WARS2: variants seen among roughly 807,000 people sequenced by gnomAD.
WARS2 encodes the protein tryptophanyl tRNA synthetase 2, mitochondrial.
In WARS2, 28 loss-of-function variants were observed where a neutral mutation model predicts 36.5. That is an observed-to-expected ratio of 0.77 (90% confidence interval 0.57 to 1.05). The LOEUF (loss-of-function observed/expected upper bound fraction) is 1.05. WARS2 is among the 50% of genes least tolerant of loss of function. WARS2 has a pLI of 0.00. For synonymous variants in WARS2, 174 were observed against 178.4 expected, an observed-to-expected ratio of 0.98 and a Z score of 0.20; for missense variants, 435 against 456.8, an observed-to-expected ratio of 0.95 and a Z score of 0.44.
chr1:119,057,348 A>T (rs1341985952), intron 2 of WARS2, among the ~76,000 whole-genome samples: 1 of 150,992 alleles, frequency 6.6e-6, no homozygotes, highest in Non-Finnish European at 1.5e-5. Flanking sequence ...GTTTCACCAC[A>T]TTGGCCAGGC....
chr1:119,126,643 G>C (rs7556558), intron 1 of WARS2: 380,322 of 706,508 alleles, frequency 0.54, 107,887 homozygotes, highest in East Asian at 0.84. Context: ...TCACCACGAA[G>C]CTCCATAAGT....
intron 3 of WARS2, among the ~76,000 whole-genome samples, chr1:119,045,241 A>T (rs1258265534): frequency 6.6e-6 from 1 of 152,174 alleles, no homozygotes; most frequent in Non-Finnish European, 1.5e-5. Flanking sequence ...AGTTAATTCC[A>T]GTGGAAATGG....
chr1:119,099,635 T>C (rs1034922206), intron 1 of WARS2, among the ~76,000 whole-genome samples: 4 of 152,200 alleles, frequency 2.6e-5, no homozygotes, highest in African/African-American at 9.7e-5. Flanking sequence ...ATGTGTGTTT[T>C]AGCATCAGAA....
intron 1 of WARS2, 85 bp downstream of exon 1, chr1:119,140,470 G>A: frequency 7.9e-7 from 1 of 1,273,088 alleles, no homozygotes; most frequent in Non-Finnish European, 1.1e-6. Flanking sequence ...TAAGAAGCGG[G>A]AGGAGAGAAA....
intron 1 of WARS2, chr1:119,082,191 G>A (rs587772765): frequency 1.1e-6 from 1 of 879,446 alleles, no homozygotes; most frequent in East Asian, 1.2e-4. Flanking sequence ...GGGCATAAAT[G>A]ATAAGCACTT....
At chr1:119,131,358 G>A (rs587640866) in intron 1 of WARS2, among the ~76,000 whole-genome samples, 2 of 152,186 alleles carry the variant, frequency 1.3e-5, no homozygotes, top group South Asian at 2.1e-4. Context: ...GAGTAGCTCC[G>A]AGGAAACTTG....
intron 2 of WARS2, among the ~76,000 whole-genome samples, chr1:119,072,869 C>T (rs1465113397): frequency 2.0e-5 from 3 of 152,050 alleles, no homozygotes; most frequent in Non-Finnish European, 4.4e-5. Flanking sequence ...AAGAAAATAA[C>T]ATCAACCAGG....
At chr1:119,134,105 A>G (rs1656296116) in intron 1 of WARS2, among the ~76,000 whole-genome samples, 1 of 152,000 alleles carries the variant, frequency 6.6e-6, no homozygotes, top group South Asian at 2.1e-4. Flanking sequence ...AGAAAATGGG[A>G]TAATAAGCAA....
chr1:119,099,458 C>T (rs1288598483), intron 1 of WARS2, among the ~76,000 whole-genome samples: 5 of 152,210 alleles, frequency 3.3e-5, no homozygotes, highest in Non-Finnish European at 7.3e-5. Context: ...AGTTCCTTTT[C>T]TGCTCACCTG....
At chr1:119,079,032 T>G (rs977896529) in intron 1 of WARS2, among the ~76,000 whole-genome samples, 4 of 152,136 alleles carry the variant, frequency 2.6e-5, no homozygotes, top group African/African-American at 9.7e-5. Flanking sequence ...CATTTAGGTC[T>G]GTATCCATCT....
chr1:119,119,001 A>G (rs191947325), intron 1 of WARS2, among the ~76,000 whole-genome samples: 72 of 152,248 alleles, frequency 4.7e-4, no homozygotes, highest in Non-Finnish European at 7.9e-4. Flanking sequence ...GCCTATAAAA[A>G]AGTAACACAA....
intron 1 of WARS2, among the ~76,000 whole-genome samples, chr1:119,101,699 T>G (rs1653876780): frequency 6.6e-6 from 1 of 152,090 alleles, no homozygotes; most frequent in Admixed American, 6.6e-5. Flanking sequence ...TGCTAGTCAT[T>G]TCTTCAGTTT....
chr1:119,035,774 A>C (rs1333420138), intron 4 of WARS2, among the ~76,000 whole-genome samples: 1 of 152,200 alleles, frequency 6.6e-6, no homozygotes, highest in Admixed American at 6.5e-5. Context: ...AGGTAATCCC[A>C]AAATATAAAT....
chr1:119,032,783 A>C lies in WARS2; in HGVS notation c.*128T>G. 1.2e-6 allele frequency: 1 copy of C among 859,424 alleles called. No homozygotes were observed. Among genetic ancestry groups the C allele is most frequent in the Middle Eastern group, 2.6e-4 (1 of 3,838 alleles). The allele number at this position is 859,424 out of a possible 1,614,324, so 53.2% of individuals were successfully genotyped here. On this transcript the variant is annotated 3_prime_UTR_variant, in exon 6 of 6. Coordinates refer to ENST00000235521, the MANE Select transcript of WARS2 (RefSeq NM_015836.4). ...GCTACAAAGCAATATTCATCAAATA[A>C]AGCCAATAATCAGCTATACCAAATT...
At chr1:119,049,029 G>A (rs1045114738) in intron 2 of WARS2, among the ~76,000 whole-genome samples, 4 of 152,132 alleles carry the variant, frequency 2.6e-5, no homozygotes, top group African/African-American at 9.7e-5. Context: ...CGGAGACCAA[G>A]CCATTGCACT....
rs1454265618 is a variant in WARS2, at chr1:119,042,273, A to C, written c.506T>G (p.Leu169Arg). 1 of 1,613,816 alleles carries C rather than the reference A, an allele frequency of 6.2e-7. No homozygotes were observed. Among genetic ancestry groups the C allele is most frequent in the Non-Finnish European group, 8.5e-7 (1 of 1,179,934 alleles). ...TGAACTCTCTTCTTACTTGTACAAC[A>C]GAATGTCGGCTGCCTGGAGTACTGG... ...TYPVLQAADI[L>R]LYKSTHVPVG... is the part of the protein sequence containing the mutation. The change falls in exon 4 of 6, where the codon CTG becomes CGG. Residue 169 changes from leucine (L) to arginine (R), a missense_variant. Leu to Arg is a moderately radical substitution (Grantham distance 102). Transcript: ENST00000235521.
chr1:119,086,390 C>G (rs908694298), intron 1 of WARS2, among the ~76,000 whole-genome samples: 1 of 152,200 alleles, frequency 6.6e-6, no homozygotes, highest in African/African-American at 2.4e-5. Context: ...CAGACTGTTA[C>G]TAAACATGCG....
intron 4 of WARS2, 129 bp from the exon 5 acceptor site, chr1:119,034,342 A>G: frequency 1.3e-6 from 1 of 758,822 alleles, no homozygotes; most frequent in Non-Finnish European, 2.2e-6. Context: ...CCAACTATAG[A>G]GGGAATGTTT....
rs745543661 is a variant in WARS2, at chr1:119,034,203, C to A, written c.526G>T (p.Val176Phe). Residue 176 changes from valine (V) to phenylalanine (F), a missense_variant, in exon 5 of 6, where the codon GTT becomes TTT. By Grantham distance (50) the Val-to-Phe change is conservative (BLOSUM62 -1). Transcript: ENST00000235521. ...ADILLYKSTH[V>F]PVGEDQVQHM... ...TGGACTTGATCCTCCCCAACAGGAA[C>A]GTGTGTGGACCTTTAATAAAAGACA... 6.2e-7 allele frequency: 1 copy of A among 1,613,414 alleles called. No individual in the cohort carries two copies. Among genetic ancestry groups the A allele is most frequent in the East Asian group, 2.2e-5 (1 of 44,858 alleles).
Sources: gnomAD v4.1 joint callset for allele counts (sites outside exome capture counted in the v4.1 genomes callset) on GRCh38, gnomAD v4.1.1 for gene constraint, MANE v1.5 for transcripts, NCBI Gene and HGNC (gene_info 2026-07-23, HGNC 2026-07-21) for gene names.